DNAH7: variants seen among roughly 807,000 people sequenced by gnomAD.
DNAH7 encodes the protein dynein axonemal heavy chain 7.
A neutral mutation model predicts 444.6 loss-of-function variants in DNAH7; 397 were observed. The observed-to-expected ratio is 0.89, with a 90% CI of 0.82 to 0.97. DNAH7 has a LOEUF of 0.97. Ranked by LOEUF, DNAH7 falls within the 50% of genes least tolerant of loss-of-function variation. The pLI is 0.00. For missense variants in DNAH7, 4,902 were observed against 4,800.8 expected (o/e 1.02, Z -0.62); for synonymous variants, 1,636 against 1,624.4 (o/e 1.01, Z -0.17).
chr2:195,907,574 C>T (rs1433797400), intron 25 of DNAH7, among the ~76,000 whole-genome samples: 2 of 152,232 alleles, frequency 1.3e-5, no homozygotes, highest in South Asian at 4.1e-4. Context: ...AATGATTCAA[C>T]AAATATGTAC....
At chr2:195,831,479 T>A (rs1227464228) in intron 48 of DNAH7, among the ~76,000 whole-genome samples, 1 of 152,222 alleles carries the variant, frequency 6.6e-6, no homozygotes, top group Non-Finnish European at 1.5e-5. Context: ...TATCTAAACA[T>A]AACTCCTTAA....
chr2:196,027,869 G>A, intron 6 of DNAH7, 91 bp downstream of exon 6: 3 of 1,134,508 alleles, frequency 2.6e-6, no homozygotes, highest in Non-Finnish European at 3.8e-6. Flanking sequence ...GTTTCACAAA[G>A]GAGAAGCACA....
In DNAH7 at chr2:195,875,916, T is replaced by C. The variant is rs1170163254; in HGVS notation, c.6118-73A>G. 6.6e-6 allele frequency: 9 copies of C among 1,371,320 alleles called. No homozygotes were observed. The East Asian group carries it at 7.2e-5, about 11-fold the overall frequency. The allele number at this position is 1,371,320 out of a possible 1,614,324, so 84.9% of individuals were successfully genotyped here. A position where few individuals can be genotyped will look rare whatever the true frequency, so the allele number is the denominator to read the frequency against. Reference sequence around the variant, plus strand: ...TACAGTCCTATTGTGTAAACAATATTGAGGCAAATACTTAGCTATCTATTT... The same window carrying C: ...TACAGTCCTATTGTGTAAACAATATCGAGGCAAATACTTAGCTATCTATTT... On this transcript the variant is annotated intron_variant, in intron 37 of 64. Coordinates refer to ENST00000312428, the MANE Select transcript of DNAH7 (RefSeq NM_018897.3).
intron 1 of DNAH7, 77 bp downstream of exon 1, chr2:196,068,620 G>T: frequency 6.5e-7 from 1 of 1,540,758 alleles, no homozygotes; most frequent in Non-Finnish European, 8.8e-7. Flanking sequence ...CGCTAGGCAG[G>T]AGGGGCTTCC....
Position 195,959,554 on chromosome 2 carries a change from C to G in DNAH7, c.2891+706G>C, listed in dbSNP as rs116768790. Among the ~76,000 whole-genome samples the G allele has an allele frequency of 7.7e-3, 1,174 of 152,254 alleles. 8 individuals are homozygous for G. Among genetic ancestry groups the G allele is most frequent in the Non-Finnish European group, 0.013 (854 of 68,014 alleles). On this transcript the variant is annotated intron_variant, in intron 18 of 64. Coordinates refer to ENST00000312428, the MANE Select transcript of DNAH7 (RefSeq NM_018897.3). ...GAACATGCCCAAGTGTACGATAACACCTAAGTCACCAGAGGCAGATACTAC... is the reference window on the plus strand; with the variant it reads ...GAACATGCCCAAGTGTACGATAACAGCTAAGTCACCAGAGGCAGATACTAC...
At chr2:196,058,395 T>C (rs1241891325) in intron 1 of DNAH7, among the ~76,000 whole-genome samples, 1 of 152,198 alleles carries the variant, frequency 6.6e-6, no homozygotes, top group Non-Finnish European at 1.5e-5. Context: ...GGGCGATGCA[T>C]CCCAATTCCA....
At chr2:195,746,591 T>C (rs1031672924) in intron 63 of DNAH7, among the ~76,000 whole-genome samples, 7 of 152,178 alleles carry the variant, frequency 4.6e-5, no homozygotes, top group South Asian at 2.1e-4. Flanking sequence ...ACCACATAGT[T>C]GGAAGTAAAG....
intron 61 of DNAH7, among the ~76,000 whole-genome samples, chr2:195,761,862 G>C (rs1042521907): frequency 1.3e-5 from 2 of 152,126 alleles, no homozygotes; most frequent in African/African-American, 4.8e-5. Flanking sequence ...GAAAGAAAAG[G>C]ATGTAAATGA....
At chr2:195,832,242 G>A (rs1281007153) in intron 48 of DNAH7, among the ~76,000 whole-genome samples, 1 of 152,014 alleles carries the variant, frequency 6.6e-6, no homozygotes, top group African/African-American at 2.4e-5. Flanking sequence ...TGGCCCTTTT[G>A]TGTCTAAAAT....
At chr2:195,976,741 G>A (rs965122507) in intron 15 of DNAH7, among the ~76,000 whole-genome samples, 3 of 73,228 alleles carry the variant, frequency 4.1e-5, no homozygotes, top group Non-Finnish European at 6.1e-5. Context: ...GAGACAGAGA[G>A]GCAGACAGAG....
rs116722535 is a variant in DNAH7 at position 195,900,944 on chromosome 2, G to A, written c.4336-450C>T. ...ATATACAATTATTGTATGTCATTAA[G>A]AATAATTTTAAAAGGCAAAAATATA... On this transcript the variant is annotated intron_variant, in intron 27 of 64. Transcript: ENST00000312428. 1,170 of 152,234 alleles carry A rather than the reference G, an allele frequency of 7.7e-3. 10 individuals carry two copies. Among genetic ancestry groups the A allele is most frequent in the Middle Eastern group, 0.017 (5 of 294 alleles). 9.4% of individuals were successfully genotyped at this position (152,234 alleles called of 1,614,324 possible). A position where few individuals can be genotyped will look rare whatever the true frequency, so the allele number is the denominator to read the frequency against.
intron 54 of DNAH7, among the ~76,000 whole-genome samples, chr2:195,804,683 C>CAGAG (rs200485175): frequency 0.018 from 2,733 of 152,308 alleles, 79 homozygotes; most frequent in African/African-American, 0.062. Flanking sequence ...GAGAGCACCT[C>CAGAG]AGAGAATCTG....
intron 12 of DNAH7, among the ~76,000 whole-genome samples, chr2:195,999,493 G>C (rs554387323): frequency 1.3e-5 from 2 of 152,178 alleles, no homozygotes; most frequent in African/African-American, 4.8e-5. Context: ...ACAAGCCTAA[G>C]TATAATAATA....
In DNAH7 at chr2:195,863,623, G is replaced by A. The variant is rs533786967; in HGVS notation, c.7506+526C>T. On this transcript the variant is annotated intron_variant, in intron 41 of 64. Transcript: ENST00000312428. ...ATTGGGGGCAGGGTGGAAGAAGTGA[G>A]ACACAGGGGTATTTTGATCCTCCCT... 9.2e-5 allele frequency among the ~76,000 whole-genome samples: 14 copies of A among 152,244 alleles called. No homozygotes were observed. The South Asian group carries it at 2.9e-3, about 32-fold the overall frequency.
At chr2:195,990,264 A>T (rs1471498759) in intron 12 of DNAH7, among the ~76,000 whole-genome samples, 3 of 148,824 alleles carry the variant, frequency 2.0e-5, no homozygotes, top group African/African-American at 7.4e-5. Flanking sequence ...GGTGAGAGAC[A>T]GGGGTCTAGT....
chr2:195,756,925 G>A (rs775538898), intron 61 of DNAH7, among the ~76,000 whole-genome samples: 1 of 151,772 alleles, frequency 6.6e-6, no homozygotes, highest in South Asian at 2.1e-4. Context: ...CTGGGAGGTC[G>A]AGGCTGCAGT....
chr2:196,048,717 G>A (rs1417988542), intron 3 of DNAH7, among the ~76,000 whole-genome samples: 1 of 152,200 alleles, frequency 6.6e-6, no homozygotes, highest in Non-Finnish European at 1.5e-5. Flanking sequence ...ATTTTAATGA[G>A]AAGTGCTCTC....
intron 1 of DNAH7, chr2:196,063,777 T>C (rs1281296530): frequency 6.6e-6 from 1 of 152,248 alleles, no homozygotes; most frequent in Non-Finnish European, 1.5e-5. Flanking sequence ...GTCAGCATCA[T>C]TCCATCAATT....
In DNAH7 at chr2:195,796,607, G is replaced by A; in HGVS notation, c.10484C>T (p.Ser3495Phe). 1 of 1,614,148 alleles carries A rather than the reference G, an allele frequency of 6.2e-7. No homozygotes were observed. ...GACTTTCTCAAGGGTTGGCATCCAA[G>A]AGGTGGCAAGGTGACAATTCTGAAG... ...VVLQNCHLAT[S>F]WMPTLEKVCE... Residue 3495 changes from serine (S) to phenylalanine (F), a missense_variant, in exon 56 of 65, where the codon TCT becomes TTT. Coordinates refer to ENST00000312428, the MANE Select transcript of DNAH7 (RefSeq NM_018897.3).
Sources: gnomAD v4.1 joint callset for allele counts (sites outside exome capture counted in the v4.1 genomes callset) on GRCh38, gnomAD v4.1.1 for gene constraint, MANE v1.5 for transcripts, NCBI Gene and HGNC (gene_info 2026-07-23, HGNC 2026-07-21) for gene names.